The following TYW1B variants were observed in gnomAD, a reference collection of about 807,000 sequenced individuals.
The protein encoded by TYW1B is tRNA-yW synthesizing protein 1 homolog B, also known as S-adenosyl-L-methionine-dependent tRNA 4-demethylwyosine synthase TYW1B.
In TYW1B, 73 loss-of-function variants were observed where a neutral mutation model predicts 86.9. The ratio of observed to expected loss-of-function variants is 0.84; its 90% CI spans 0.70 to 1.02. TYW1B has a LOEUF of 1.02. TYW1B is among the 50% of genes least tolerant of loss of function. The pLI is 0.00. For missense variants in TYW1B, 637 were observed against 827.4 expected, an observed-to-expected ratio of 0.77 and a Z score of 2.82; for synonymous variants, 248 against 292.8, an observed-to-expected ratio of 0.85 and a Z score of 1.56.
chr7:72,800,435 G>C (rs1468711754), intron 6 of TYW1B, among the ~76,000 whole-genome samples: 2 of 151,926 alleles, frequency 1.3e-5, no homozygotes, highest in African/African-American at 4.8e-5. Flanking sequence ...CTGGCCTCAA[G>C]AAATCCTCCC....
chr7:72,692,668 GA>G (rs1814199461), intron 11 of TYW1B, among the ~76,000 whole-genome samples: 1 of 152,076 alleles, frequency 6.6e-6, no homozygotes, highest in South Asian at 2.1e-4. Context: ...TAAAACTTAG[GA>G]AGGGAAAAAG....
intron 6 of TYW1B, among the ~76,000 whole-genome samples, chr7:72,782,945 T>A (rs1210444727): frequency 2.6e-5 from 4 of 152,182 alleles, no homozygotes; most frequent in African/African-American, 9.6e-5. Flanking sequence ...ACAGTTAACC[T>A]GGCTAGACCT....
chr7:72,757,528 A>C (rs2129571631), intron 7 of TYW1B, among the ~76,000 whole-genome samples: 1 of 152,318 alleles, frequency 6.6e-6, no homozygotes, highest in South Asian at 2.1e-4. Flanking sequence ...GGATAGACAA[A>C]TACATCAGTG....
chr7:72,687,832 G>C (rs1814046399), intron 11 of TYW1B, among the ~76,000 whole-genome samples: 1 of 152,006 alleles, frequency 6.6e-6, no homozygotes, highest in Admixed American at 6.6e-5. Context: ...AAGGTAGGAG[G>C]ATCACTTGAA....
chr7:72,651,849 T>C (rs1413340775), intron 11 of TYW1B, among the ~76,000 whole-genome samples: 3 of 152,152 alleles, frequency 2.0e-5, no homozygotes, highest in Non-Finnish European at 4.4e-5. Context: ...TAAACACATA[T>C]TACAATAGAC....
In TYW1B at chr7:72,625,896, C is replaced by CGGG. The variant is rs71876528; in HGVS notation, c.1617+2988_1617+2990dup. 4.5e-3 allele frequency among the ~76,000 whole-genome samples: 321 copies of CGGG among 71,348 alleles called. 1 individual carries two copies. The highest frequency in any genetic ancestry group is 0.022 in the South Asian group (35 of 1,566). 46.8% of individuals were successfully genotyped at this position (71,348 alleles called of 152,430 possible). ...AAGAAAGGAGGGGGGAGAGGTGGGG[C>CGGG]GGGGGGGGGGGAAGAAAGGAAGGAA... On this transcript the variant is annotated intron_variant, in intron 12 of 13. Transcript: ENST00000620995.
At chr7:72,728,584 C>G (rs1349693268) in intron 9 of TYW1B, among the ~76,000 whole-genome samples, 1 of 152,190 alleles carries the variant, frequency 6.6e-6, no homozygotes, top group Non-Finnish European at 1.5e-5. Flanking sequence ...TGGGATTAGA[C>G]AGGCGTGAGC....
At chr7:72,632,290 T>TATATATATATATATTATATA (rs1563038339) in intron 11 of TYW1B, among the ~76,000 whole-genome samples, 1 of 111,928 alleles carries the variant, frequency 8.9e-6, no homozygotes, top group Admixed American at 1.0e-4. Context: ...TACGTGTATA[T>TATATATATATATATTATATA]ATATATATAC....
rs1427997789 is a variant in TYW1B, at chr7:72,660,908, G to A, written c.1507-31911C>T. On this transcript the variant is annotated intron_variant, in intron 11 of 13. Transcript: ENST00000620995. ...TCCCAACACTTTGGGAGGCTGAGGC[G>A]GGTGGATCACCTGAGGTCAGGAGTT... Among the ~76,000 whole-genome samples the A allele has an allele frequency of 8.6e-5, 13 of 151,778 alleles. No individual in the cohort carries two copies. In the East Asian group the frequency reaches 2.2e-3, roughly 25 times the overall value.
chr7:72,680,634 C>A (rs1554448327), intron 11 of TYW1B, among the ~76,000 whole-genome samples: 1 of 152,144 alleles, frequency 6.6e-6, no homozygotes, highest in African/African-American at 2.4e-5. Context: ...CGAGTCAATT[C>A]TCCAATAAAC....
chr7:72,700,213 C>A (rs1176890177), intron 10 of TYW1B, among the ~76,000 whole-genome samples: 5 of 111,534 alleles, frequency 4.5e-5, no homozygotes, highest in African/African-American at 3.5e-5. Flanking sequence ...CTCGCTCTGT[C>A]ACCCAGGCTG....
At chr7:72,805,220 G>A (rs1369289728) in intron 5 of TYW1B, among the ~76,000 whole-genome samples, 1 of 144,834 alleles carries the variant, frequency 6.9e-6, no homozygotes, top group Non-Finnish European at 1.5e-5. Flanking sequence ...CCATGCAGTG[G>A]GCTCCAAATC....
chr7:72,592,786 G>A (rs1424813368), intron 13 of TYW1B, among the ~76,000 whole-genome samples: 6 of 152,178 alleles, frequency 3.9e-5, no homozygotes, highest in Admixed American at 6.5e-5. Flanking sequence ...AATTAAAAAG[G>A]TTATGAAACA....
chr7:72,702,868 T>G (rs1397441278), intron 10 of TYW1B, among the ~76,000 whole-genome samples: 1 of 151,954 alleles, frequency 6.6e-6, no homozygotes, highest in East Asian at 1.9e-4. Flanking sequence ...TTTTTGCCAG[T>G]ATTCTCATTG....
chr7:72,792,213 G>A (rs1385862103), intron 6 of TYW1B, among the ~76,000 whole-genome samples: 4 of 151,928 alleles, frequency 2.6e-5, no homozygotes, highest in African/African-American at 7.3e-5. Flanking sequence ...TGTAATCCCA[G>A]CTACTCGGGA....
chr7:72,583,349 CA>C (rs1409753956), intron 13 of TYW1B, among the ~76,000 whole-genome samples: 1 of 151,876 alleles, frequency 6.6e-6, no homozygotes, highest in African/African-American at 2.4e-5. Flanking sequence ...GACTCCGCCT[CA>C]AAAAAAGAAA....
At chr7:72,737,811 G>A (rs1787224257) in intron 8 of TYW1B, among the ~76,000 whole-genome samples, 1 of 144,982 alleles carries the variant, frequency 6.9e-6, no homozygotes, top group Non-Finnish European at 1.5e-5. Context: ...TTGAGATGGA[G>A]TAGCCCAGGT....
At chr7:72,786,661 C>T (rs1281117914) in intron 6 of TYW1B, among the ~76,000 whole-genome samples, 3 of 149,994 alleles carry the variant, frequency 2.0e-5, no homozygotes, top group South Asian at 4.2e-4. Flanking sequence ...CTACAACCTC[C>T]GTCTCCCGGG....
At chr7:72,654,945 C>T (rs1554443402) in intron 11 of TYW1B, among the ~76,000 whole-genome samples, 3 of 152,086 alleles carry the variant, frequency 2.0e-5, no homozygotes, top group South Asian at 2.1e-4. Context: ...TAATGTAAGA[C>T]GTTAACAATA....
Sources: gnomAD v4.1 joint callset for allele counts (sites outside exome capture counted in the v4.1 genomes callset) on GRCh38, gnomAD v4.1.1 for gene constraint, MANE v1.5 for transcripts, NCBI Gene and HGNC (gene_info 2026-07-23, HGNC 2026-07-21) for gene names.